STK39: variants seen among roughly 807,000 people sequenced by gnomAD.
STK39 encodes STE20/SPS1-related proline-alanine-rich protein kinase.
Under a neutral mutation model 77.8 loss-of-function variants are expected in STK39, and 20 were observed. The ratio of observed to expected loss-of-function variants is 0.26; its 90% CI spans 0.18 to 0.37. The LOEUF (loss-of-function observed/expected upper bound fraction) is 0.37, where lower values mean the gene tolerates loss of function less well. Among genes scored for constraint, STK39 ranks in the 10% least tolerant of loss-of-function variants. STK39 has a pLI of 1.00. For missense variants in STK39, 479 were observed against 656.5 expected (o/e 0.73, Z 2.95); for synonymous variants, 246 against 234.1 (o/e 1.05, Z -0.47).
intron 16 of STK39, among the ~76,000 whole-genome samples, chr2:167,967,003 T>C (rs1453190763): frequency 4.6e-5 from 7 of 152,288 alleles, no homozygotes; most frequent in South Asian, 4.1e-4. Flanking sequence ...ACTGTGCACC[T>C]GGATTTCAAA....
chr2:167,995,302 G>A (rs1683808220), intron 16 of STK39, among the ~76,000 whole-genome samples: 1 of 151,996 alleles, frequency 6.6e-6, no homozygotes, highest in Non-Finnish European at 1.5e-5. Context: ...TAGAGACGGG[G>A]TTTCACCATG....
In STK39 at chr2:168,050,708, GACA is replaced by G. The variant is rs1227025733; in HGVS notation, c.1376+12789_1376+12791del. ...CTCCAGAAAGGAATGCAGCCCTATA[GACA>G]CCTTGATTTTAGCCCGCTGAGACTC... On this transcript the variant is annotated intron_variant, in intron 14 of 17. Coordinates refer to ENST00000355999, the MANE Select transcript of STK39 (RefSeq NM_013233.3). Among the ~76,000 whole-genome samples, 4 of 152,270 alleles carry G rather than the reference GACA, an allele frequency of 2.6e-5. No individual in the cohort carries two copies. In the East Asian group the frequency reaches 7.7e-4, roughly 29 times the overall value.
chr2:168,065,484 G>T (rs769058963), intron 12 of STK39, 103 bp from the exon 13 acceptor site: 5 of 1,213,758 alleles, frequency 4.1e-6, no homozygotes, highest in African/African-American at 3.0e-5. Flanking sequence ...ATTTCCAAAC[G>T]ATCATAAAGC....
chr2:168,099,896 G>A (rs1029970342), intron 10 of STK39, among the ~76,000 whole-genome samples: 1 of 152,170 alleles, frequency 6.6e-6, no homozygotes, highest in Non-Finnish European at 1.5e-5. Context: ...TGCCAGGCTT[G>A]CTACTGAGAA....
At chr2:168,022,064 A>G (rs1442148939) in intron 14 of STK39, among the ~76,000 whole-genome samples, 1 of 152,112 alleles carries the variant, frequency 6.6e-6, no homozygotes, top group Non-Finnish European at 1.5e-5. Flanking sequence ...ACCATCTTGG[A>G]ATTTCTCCAT....
At chr2:168,216,609 A>G (rs1690030856) in intron 1 of STK39, among the ~76,000 whole-genome samples, 1 of 152,206 alleles carries the variant, frequency 6.6e-6, no homozygotes, top group African/African-American at 2.4e-5. Context: ...GAGTCATCTA[A>G]TGAAGTGGCA....
At chr2:168,032,715 C>CA (rs1460247270) in intron 14 of STK39, among the ~76,000 whole-genome samples, 2 of 151,888 alleles carry the variant, frequency 1.3e-5, no homozygotes, top group African/African-American at 4.8e-5. Flanking sequence ...AAAGGAGGTA[C>CA]AAAAAAACAA....
At chr2:168,173,894 A>C (rs746633271) in intron 2 of STK39, among the ~76,000 whole-genome samples, 11 of 152,214 alleles carry the variant, frequency 7.2e-5, no homozygotes, top group Non-Finnish European at 1.5e-4. Context: ...TTATACAGCA[A>C]ACTCTTGCCT....
intron 1 of STK39, among the ~76,000 whole-genome samples, chr2:168,237,569 T>C (rs924356783): frequency 9.2e-5 from 14 of 152,186 alleles, no homozygotes; most frequent in African/African-American, 3.4e-4. Context: ...CAGTATGATA[T>C]TGGCTGTGGG....
intron 3 of STK39, among the ~76,000 whole-genome samples, chr2:168,164,395 T>C (rs1309818353): frequency 6.6e-6 from 1 of 152,068 alleles, no homozygotes; most frequent in African/African-American, 2.4e-5. Context: ...CTGATCTTTA[T>C]TTTCTTTCCT....
intron 16 of STK39, among the ~76,000 whole-genome samples, chr2:168,003,134 C>T (rs142757989): frequency 0.01 from 1,582 of 152,284 alleles, 35 homozygotes; most frequent in African/African-American, 0.037. Flanking sequence ...CAGGCACACA[C>T]CACCAGCTAA....
At chr2:168,120,136 C>A (rs1687367398) in intron 10 of STK39, among the ~76,000 whole-genome samples, 1 of 152,172 alleles carries the variant, frequency 6.6e-6, no homozygotes, top group Admixed American at 6.5e-5. Context: ...ATATTTATAG[C>A]TTTTTAAAAA....
At chr2:168,037,719 C>T (rs886973600) in intron 14 of STK39, among the ~76,000 whole-genome samples, 1 of 151,914 alleles carries the variant, frequency 6.6e-6, no homozygotes, top group African/African-American at 2.4e-5. Flanking sequence ...ATAATGGGAA[C>T]AATAAAAAAT....
intron 1 of STK39, among the ~76,000 whole-genome samples, chr2:168,216,107 G>C (rs1690018350): frequency 6.6e-6 from 1 of 150,736 alleles, no homozygotes; most frequent in African/African-American, 2.4e-5. Flanking sequence ...TGGTGGAAGA[G>C]AGACAGGAAA....
intron 15 of STK39, among the ~76,000 whole-genome samples, chr2:168,014,311 G>C (rs1268597800): frequency 6.6e-6 from 1 of 151,928 alleles, no homozygotes; most frequent in Admixed American, 6.6e-5. Flanking sequence ...ATAGGGAGAC[G>C]CCATCTCTAC....
chr2:168,238,808 A>G (rs1219393911), intron 1 of STK39, among the ~76,000 whole-genome samples: 2 of 152,230 alleles, frequency 1.3e-5, no homozygotes, highest in East Asian at 3.8e-4. Context: ...CTTGTCTAGT[A>G]TCAAAAACTT....
At position 168,242,563 on chromosome 2, in the gene STK39, ATATATATATAT is replaced by A. The variant is rs1690793080; in HGVS notation, c.208+4654_208+4664del. ...GACTCTTACAAAAAAAAAAAAAAAT[ATATATATATAT>A]ATATATATATATATATATATATAAA... On this transcript the variant is annotated intron_variant, in intron 1 of 17. Coordinates refer to ENST00000355999, the MANE Select transcript of STK39 (RefSeq NM_013233.3). Among the ~76,000 whole-genome samples, 31 of 57,876 alleles carry A rather than the reference ATATATATATAT, an allele frequency of 5.4e-4. 1 individual carries two copies. Among genetic ancestry groups the A allele is most frequent in the Non-Finnish European group, 6.9e-4 (23 of 33,424 alleles). The allele number at this position is 57,876 out of a possible 152,430, so 38.0% of individuals were successfully genotyped here.
intron 10 of STK39, among the ~76,000 whole-genome samples, chr2:168,098,583 T>A (rs1686736500): frequency 6.6e-6 from 1 of 152,094 alleles, no homozygotes; most frequent in African/African-American, 2.4e-5. Flanking sequence ...CTCCCACACC[T>A]CCATCTGAAC....
intron 16 of STK39, among the ~76,000 whole-genome samples, chr2:167,964,937 C>T (rs1015115148): frequency 2.0e-5 from 3 of 152,186 alleles, no homozygotes; most frequent in Non-Finnish European, 4.4e-5. Context: ...TGTATCTATG[C>T]ACATCTGAAT....
Sources: allele counts gnomAD v4.1 joint callset (sites outside exome capture counted in the v4.1 genomes callset), GRCh38; gene constraint gnomAD v4.1.1; transcripts MANE v1.5; gene names NCBI Gene and HGNC (gene_info 2026-07-23, HGNC 2026-07-21).